Variants in MRTFA observed in about 807,000 individuals in gnomAD.
MRTFA encodes the protein myocardin-related transcription factor A.
MRTFA carries 20 observed loss-of-function variants against 83.5 expected under a neutral mutation model. The observed-to-expected ratio is 0.24, with a 90% CI of 0.17 to 0.35. The LOEUF is 0.35. Ranked by LOEUF, MRTFA falls within the 10% of genes least tolerant of loss-of-function variation. MRTFA has a pLI of 1.00. For missense variants in MRTFA, 1,200 were observed against 1,224.7 expected (o/e 0.98, Z 0.30); for synonymous variants, 659 against 541.2 (o/e 1.22, Z -3.02).
intron 3 of MRTFA, among the ~76,000 whole-genome samples, chr22:40,532,370 T>C (rs1056970754): frequency 6.6e-6 from 1 of 152,162 alleles, no homozygotes; most frequent in Admixed American, 6.5e-5. Flanking sequence ...AGAACTGGAA[T>C]AGACAGGAAA....
intron 3 of MRTFA, among the ~76,000 whole-genome samples, chr22:40,496,123 T>C (rs73167092): frequency 0.082 from 12,471 of 151,942 alleles, 790 homozygotes; most frequent in East Asian, 0.24. Context: ...TACAGCTAGA[T>C]TGCTTGGGTT....
chr22:40,582,665 TACACACACACAC>T (rs3044561), intron 2 of MRTFA, among the ~76,000 whole-genome samples: 2 of 143,120 alleles, frequency 1.4e-5, no homozygotes, highest in Admixed American at 7.1e-5. Context: ...TATACACACA[TACACACACACAC>T]ACACACACAC....
chr22:40,483,100 C>T (rs868760663), intron 3 of MRTFA, among the ~76,000 whole-genome samples: 2 of 152,020 alleles, frequency 1.3e-5, no homozygotes, highest in African/African-American at 2.4e-5. Flanking sequence ...ACTCTCTTGC[C>T]GAGGCTGGAA....
At chr22:40,613,096 ATAGT>A (rs1263151156) in intron 1 of MRTFA, among the ~76,000 whole-genome samples, 3 of 152,130 alleles carry the variant, frequency 2.0e-5, no homozygotes, top group African/African-American at 4.8e-5. Context: ...ATGAAATCAT[ATAGT>A]AAGTTCTCTT....
chr22:40,459,370 A>G (rs542796065), intron 4 of MRTFA, among the ~76,000 whole-genome samples: 2 of 152,048 alleles, frequency 1.3e-5, no homozygotes, highest in Admixed American at 1.3e-4. Flanking sequence ...ATTCTCTCTC[A>G]TAATCTAAGC....
chr22:40,434,875 C>T (rs925968881), intron 5 of MRTFA, among the ~76,000 whole-genome samples: 2 of 152,106 alleles, frequency 1.3e-5, no homozygotes, highest in African/African-American at 2.4e-5. Context: ...CATCTCTACC[C>T]ACACTGGGCA....
chr22:40,559,245 G>A (rs2055577621), intron 2 of MRTFA, among the ~76,000 whole-genome samples: 1 of 152,058 alleles, frequency 6.6e-6, no homozygotes, highest in Admixed American at 6.5e-5. Flanking sequence ...CAAAAGTTAG[G>A]CATGGTGGTG....
At chr22:40,564,371 A>C (rs1292935308) in intron 2 of MRTFA, among the ~76,000 whole-genome samples, 1 of 152,166 alleles carries the variant, frequency 6.6e-6, no homozygotes, top group African/African-American at 2.4e-5. Flanking sequence ...CAAGAATAGG[A>C]AGAGAATAAC....
chr22:40,457,526 G>T (rs953144517), intron 4 of MRTFA, among the ~76,000 whole-genome samples: 3 of 151,690 alleles, frequency 2.0e-5, no homozygotes, highest in Non-Finnish European at 2.9e-5. Flanking sequence ...AAGAGAGAGA[G>T]ATATGCAACT....
chr22:40,522,877 T>G (rs1038811294), intron 3 of MRTFA: 1 of 152,106 alleles, frequency 6.6e-6, no homozygotes, highest in Non-Finnish European at 1.5e-5. Flanking sequence ...CAACTAAGAA[T>G]AGATGGCCTT....
intron 14 of MRTFA, among the ~76,000 whole-genome samples, chr22:40,414,388 G>T (rs8137675): frequency 2.0e-5 from 3 of 152,066 alleles, no homozygotes; most frequent in African/African-American, 7.3e-5. Context: ...TCCAACCCTA[G>T]GTTTATGCCC....
intron 1 of MRTFA, among the ~76,000 whole-genome samples, chr22:40,608,268 C>T (rs1225860635): frequency 6.6e-6 from 1 of 152,134 alleles, no homozygotes; most frequent in Non-Finnish European, 1.5e-5. Flanking sequence ...ACCTGCCTAG[C>T]CCTCCCAACA....
chr22:40,532,455 C>T (rs1334200575), intron 3 of MRTFA, among the ~76,000 whole-genome samples: 5 of 152,182 alleles, frequency 3.3e-5, no homozygotes, highest in African/African-American at 1.2e-4. Context: ...GATAAGCACA[C>T]TATCTTGTTT....
chr22:40,587,280 GC>G, intron 2 of MRTFA: 1 of 488,750 alleles, frequency 2.0e-6, no homozygotes, highest in Non-Finnish European at 4.1e-6. Flanking sequence ...TGTCCCACAT[GC>G]CCATCAGGAG....
intron 3 of MRTFA, among the ~76,000 whole-genome samples, chr22:40,546,746 C>T (rs2055370258): frequency 6.6e-6 from 1 of 152,166 alleles, no homozygotes; most frequent in African/African-American, 2.4e-5. Context: ...GAGAAAAAGG[C>T]CGAAGATACA....
intron 1 of MRTFA, among the ~76,000 whole-genome samples, chr22:40,596,210 A>G (rs1429789440): frequency 6.6e-6 from 1 of 152,176 alleles, no homozygotes; most frequent in Non-Finnish European, 1.5e-5. Flanking sequence ...TCTGTTGTAA[A>G]TAATTTTTAT....
chr22:40,636,240 G>A (rs1238329087), intron 1 of MRTFA, among the ~76,000 whole-genome samples: 2 of 152,136 alleles, frequency 1.3e-5, no homozygotes, highest in African/African-American at 4.8e-5. Flanking sequence ...ACAGGTGCAC[G>A]ACCGCGCCCG....
At chr22:40,547,722 G>C (rs1170464805) in intron 3 of MRTFA, among the ~76,000 whole-genome samples, 1 of 151,986 alleles carries the variant, frequency 6.6e-6, no homozygotes, top group Non-Finnish European at 1.5e-5. Context: ...TGGCGTGGTG[G>C]CGTACGCCTG....
chr22:40,418,472 G>C lies in MRTFA; in HGVS notation c.2266C>G (p.Pro756Ala). The C allele has an allele frequency of 6.2e-7, 1 of 1,613,680 alleles. No homozygotes were observed. The highest frequency in any genetic ancestry group is 8.5e-7 in the Non-Finnish European group (1 of 1,179,762). The change falls in exon 12 of 15, where the codon CCC becomes GCC. Residue 756 changes from proline to alanine, a missense_variant. Around this residue, in one of 2 missense-constraint regions of MRTFA, gnomAD observed 1,107 missense variants for 1,041.8 expected, o/e 1.06. Transcript: ENST00000355630. The stretch of plus-strand genomic sequence containing the variant: ...CCTGTGGAGTCGGTGATGAGGGTGG[G>C]AGGTGCAACCCCCTTGATGAGGCTG...
Sources: gnomAD v4.1 joint callset for allele counts (sites outside exome capture counted in the v4.1 genomes callset) on GRCh38, gnomAD v4.1.1 for gene constraint, gnomAD v4.1.1 regional missense constraint, MANE v1.5 for transcripts, NCBI Gene and HGNC (gene_info 2026-07-23, HGNC 2026-07-21) for gene names.